ARLN: variants seen among roughly 807,000 people sequenced by gnomAD.
ARLN encodes the protein sarcoplasmic/endoplasmic reticulum calcium ATPase regulator ARLN.
At chr4:119,300,579 T>C in the ARLN span, 217 of 1,613,924 alleles carry the variant, frequency 1.3e-4, no homozygotes, top group African/African-American at 2.4e-3. Context: ...CCGAAAATGC[T>C]TAAGTTCCCG....
chr4:119,303,317 T>A, the ARLN span, among the ~76,000 whole-genome samples: 7 of 141,864 alleles, frequency 4.9e-5, no homozygotes, highest in South Asian at 1.7e-3. Flanking sequence ...CACTGCAACC[T>A]CCACCTCATG....
chr4:119,301,594 T>C, the ARLN span, among the ~76,000 whole-genome samples: 2 of 152,206 alleles, frequency 1.3e-5, no homozygotes, highest in African/African-American at 4.8e-5. Context: ...ATTCCTGAAT[T>C]GTTCAGAAAA....
chr4:119,298,646 AAT>A, the ARLN span: 1 of 568,020 alleles, frequency 1.8e-6, no homozygotes, highest in Non-Finnish European at 3.2e-6. Flanking sequence ...CAAAGTGTAA[AAT>A]GAAAGGAAGG....
chr4:119,300,925 C>A, the ARLN span: 1 of 933,310 alleles, frequency 1.1e-6, no homozygotes, highest in Non-Finnish European at 1.5e-6. Context: ...CTCTCCTATC[C>A]CCGTATTCCG....
the ARLN span, chr4:119,297,492 G>A: frequency 6.6e-6 from 1 of 152,228 alleles, no homozygotes; most frequent in African/African-American, 2.4e-5. Context: ...GCCCACGTTA[G>A]AGTGCAGTGG....
the ARLN span, chr4:119,298,876 A>G: frequency 1.5e-6 from 1 of 682,144 alleles, no homozygotes; most frequent in Non-Finnish European, 2.7e-6. Flanking sequence ...AAAAGCCTAG[A>G]ACATTTCTTG....
At chr4:119,302,560 G>A in the ARLN span, among the ~76,000 whole-genome samples, 134 of 152,282 alleles carry the variant, frequency 8.8e-4, no homozygotes, top group Non-Finnish European at 1.4e-3. Flanking sequence ...CATTATCAAA[G>A]CAATTTAAAT....
At chr4:119,298,710 A>G in the ARLN span, 1 of 755,320 alleles carries the variant, frequency 1.3e-6, no homozygotes. Flanking sequence ...TTCTTTATTC[A>G]AGAAGTTTGT....
chr4:119,299,103 T>C, the ARLN span, among the ~76,000 whole-genome samples: 1 of 152,174 alleles, frequency 6.6e-6, no homozygotes, highest in African/African-American at 2.4e-5. Context: ...CACCCCTTTT[T>C]TTGAGACAGG....
the ARLN span, chr4:119,300,686 T>A: frequency 1.3e-6 from 2 of 1,535,384 alleles, no homozygotes; most frequent in Non-Finnish European, 1.7e-6. Flanking sequence ...AACCTACTCT[T>A]CCCAGCGCGC....
the ARLN span, chr4:119,300,365 C>T: frequency 4.3e-6 from 7 of 1,612,684 alleles, no homozygotes; most frequent in Non-Finnish European, 4.2e-6. Context: ...AGAGAAACAC[C>T]ACCACATCGA....
the ARLN span, among the ~76,000 whole-genome samples, chr4:119,299,106 G>C: frequency 6.6e-6 from 1 of 151,788 alleles, no homozygotes. Context: ...CCCTTTTTTT[G>C]AGACAGGGTT....
the ARLN span, among the ~76,000 whole-genome samples, chr4:119,302,839 G>A: frequency 6.6e-6 from 1 of 152,166 alleles, no homozygotes; most frequent in Non-Finnish European, 1.5e-5. Flanking sequence ...TTAAGAAGAC[G>A]TTACAGATCT....
At chr4:119,301,404 G>A in the ARLN span, among the ~76,000 whole-genome samples, 4 of 152,008 alleles carry the variant, frequency 2.6e-5, no homozygotes, top group Non-Finnish European at 4.4e-5. Flanking sequence ...TCCAGCCTGG[G>A]CAACAGAGCG....
the ARLN span, chr4:119,304,185 A>G: frequency 3.8e-6 from 5 of 1,306,678 alleles, no homozygotes; most frequent in East Asian, 7.6e-5. Flanking sequence ...TGCCAACTTC[A>G]TAAAATTTCC....
the ARLN span, among the ~76,000 whole-genome samples, chr4:119,303,359 T>C: frequency 2.6e-5 from 4 of 151,766 alleles, no homozygotes; most frequent in African/African-American, 9.7e-5. Flanking sequence ...CTCAGCCTCC[T>C]GAGTAGCTGG....
At chr4:119,299,799 C>T in the ARLN span, among the ~76,000 whole-genome samples, 1 of 152,160 alleles carries the variant, frequency 6.6e-6, no homozygotes, top group African/African-American at 2.4e-5. Flanking sequence ...CGCTGCAAGG[C>T]AAGTAAATTT....
At chr4:119,300,393 A>C in the ARLN span, 1 of 1,613,704 alleles carries the variant, frequency 6.2e-7, no homozygotes, top group Non-Finnish European at 8.5e-7. Flanking sequence ...GAAAAGCCAG[A>C]GGTCCAACCA....
chr4:119,298,729 T>G, the ARLN span: 1 of 765,230 alleles, frequency 1.3e-6, no homozygotes, highest in East Asian at 2.4e-5. Context: ...GTAGCCATTT[T>G]CAGAATTCAC....
Sources: gnomAD v4.1 joint callset for allele counts (sites outside exome capture counted in the v4.1 genomes callset) on GRCh38, gnomAD v4.1.1 for gene constraint, MANE v1.5 for transcripts, NCBI Gene and HGNC (gene_info 2026-07-23, HGNC 2026-07-21) for gene names.